Variants in KCNMA1 observed in about 807,000 individuals in gnomAD.
KCNMA1 encodes the protein potassium calcium-activated channel subfamily M alpha 1.
In KCNMA1, 29 loss-of-function variants were observed where a neutral mutation model predicts 140.0. The ratio of observed to expected loss-of-function variants is 0.21; its 90% CI spans 0.15 to 0.28. The LOEUF is 0.28. Ranked by LOEUF, KCNMA1 falls within the 10% of genes least tolerant of loss-of-function variation. The probability of loss-of-function intolerance (pLI) is 1.00; values close to 1 mark genes in which losing one functional copy is unlikely to be tolerated. For synonymous variants in KCNMA1, 612 were observed against 611.9 expected (o/e 1.00, Z 0.00); for missense variants, 880 against 1,602.2 (o/e 0.55, Z 7.70).
chr10:77,422,199 C>T (rs764872903), intron 1 of KCNMA1, among the ~76,000 whole-genome samples: 22 of 152,182 alleles, frequency 1.4e-4, no homozygotes, highest in East Asian at 1.9e-4. Context: ...TGAGGAGAGA[C>T]GGCAGAATTT....
chr10:77,494,156 C>T (rs1231473536), intron 1 of KCNMA1, among the ~76,000 whole-genome samples: 1 of 152,328 alleles, frequency 6.6e-6, no homozygotes, highest in African/African-American at 2.4e-5. Flanking sequence ...ATGGGATAAC[C>T]ATGGGAGAGG....
chr10:77,126,745 C>T (rs2097750364), intron 5 of KCNMA1, among the ~76,000 whole-genome samples: 1 of 146,002 alleles, frequency 6.8e-6, no homozygotes, highest in Non-Finnish European at 1.5e-5. Context: ...CACCACCACA[C>T]ACAAATGCTG....
At chr10:77,389,212 C>T (rs915550711) in intron 2 of KCNMA1, among the ~76,000 whole-genome samples, 5 of 152,302 alleles carry the variant, frequency 3.3e-5, no homozygotes, top group African/African-American at 1.2e-4. Context: ...AACACCCTTG[C>T]TATAAATTTG....
intron 2 of KCNMA1, among the ~76,000 whole-genome samples, chr10:77,272,213 C>A (rs1227628605): frequency 6.6e-6 from 1 of 152,190 alleles, no homozygotes; most frequent in Non-Finnish European, 1.5e-5. Context: ...GGACACAGAC[C>A]TGGTCTGTTC....
At chr10:77,215,899 CCTCTCTCCT>C (rs1565271780) in intron 3 of KCNMA1, among the ~76,000 whole-genome samples, 8 of 150,868 alleles carry the variant, frequency 5.3e-5, no homozygotes, top group Non-Finnish European at 3.0e-5. Flanking sequence ...TCTCCTCTCT[CCTCTCTCCT>C]CTCTCTCTCT....
chr10:77,414,906 T>G (rs541637848), intron 1 of KCNMA1, among the ~76,000 whole-genome samples: 2 of 152,286 alleles, frequency 1.3e-5, no homozygotes, highest in East Asian at 3.9e-4. Flanking sequence ...AAGGCCATAT[T>G]TTTTCTCTCT....
chr10:77,347,465 G>A (rs1254574537), intron 2 of KCNMA1, among the ~76,000 whole-genome samples: 2 of 152,166 alleles, frequency 1.3e-5, no homozygotes, highest in Non-Finnish European at 2.9e-5. Flanking sequence ...CTGAGATGAG[G>A]TTCGTGTCTG....
chr10:77,283,218 C>T (rs1236127666), intron 2 of KCNMA1, among the ~76,000 whole-genome samples: 4 of 152,228 alleles, frequency 2.6e-5, no homozygotes, highest in Admixed American at 2.6e-4. Context: ...CATTTTCTTT[C>T]TTCACATACA....
downstream of KCNMA1, among the ~76,000 whole-genome samples, chr10:76,880,248 T>G (rs2034076984): frequency 6.6e-6 from 1 of 152,226 alleles, no homozygotes; most frequent in Non-Finnish European, 1.5e-5. Context: ...TTCTGCTGTC[T>G]GTAAGAAAGA....
chr10:77,521,833 T>C (rs1452444896), intron 1 of KCNMA1, among the ~76,000 whole-genome samples: 1 of 152,144 alleles, frequency 6.6e-6, no homozygotes, highest in Non-Finnish European at 1.5e-5. Flanking sequence ...ATCACTTAGA[T>C]GTGCCCATCC....
chr10:77,159,276 A>T (rs1201283453), intron 5 of KCNMA1, among the ~76,000 whole-genome samples: 1 of 152,194 alleles, frequency 6.6e-6, no homozygotes, highest in Non-Finnish European at 1.5e-5. Context: ...TTGTTTTAGG[A>T]AAACAATAGC....
At chr10:77,417,317 A>G (rs2096764092) in intron 1 of KCNMA1, among the ~76,000 whole-genome samples, 1 of 146,856 alleles carries the variant, frequency 6.8e-6, no homozygotes, top group African/African-American at 2.5e-5. Flanking sequence ...AGGCCTATAT[A>G]CCTTTTATGC....
At chr10:77,318,271 T>C (rs625997) in intron 2 of KCNMA1, among the ~76,000 whole-genome samples, 128,538 of 152,184 alleles carry the variant, frequency 0.84, 54,511 homozygotes, top group African/African-American at 0.91. Context: ...GCACAACAAG[T>C]TATCAATTAA....
intron 17 of KCNMA1, among the ~76,000 whole-genome samples, chr10:77,015,302 G>A (rs2153465450): frequency 6.6e-6 from 1 of 152,120 alleles, no homozygotes; most frequent in South Asian, 2.1e-4. Flanking sequence ...CTATGAAATG[G>A]CACACGACAG....
chr10:76,887,041 CATAA>C lies in KCNMA1; in HGVS notation c.*221_*224del, dbSNP rs1007952750. The C allele has an allele frequency of 3.9e-5, 56 of 1,428,032 alleles. No individual in the cohort carries two copies. In the African/African-American group the frequency reaches 7.7e-4, roughly 20 times the overall value. 88.5% of individuals were successfully genotyped at this position (1,428,032 alleles called of 1,614,324 possible). A position where few individuals can be genotyped will look rare whatever the true frequency, so the allele number is the denominator to read the frequency against. ...CTTTGGGTTATTTTTCCCCCAGAATCATAAATAACTTTTGGTCCGTCTGCTTATT... is the reference window on the plus strand; with the variant it reads ...CTTTGGGTTATTTTTCCCCCAGAATCATAACTTTTGGTCCGTCTGCTTATT... On this transcript the variant is annotated 3_prime_UTR_variant, in exon 28 of 28. Transcript: ENST00000286628.
At position 77,632,443 on chromosome 10, in the gene KCNMA1, G is replaced by C. The variant is rs562030751; in HGVS notation, c.378+4822C>G. Reference sequence around the variant, plus strand: ...ATACCTGCCCACCAAATGCCACAGTGTTTCCCTTCTGCCAGCCCAGCAGCT... The same window carrying C: ...ATACCTGCCCACCAAATGCCACAGTCTTTCCCTTCTGCCAGCCCAGCAGCT... On this transcript the variant is annotated intron_variant, in intron 1 of 27. Coordinates refer to ENST00000286628, the MANE Select transcript of KCNMA1 (RefSeq NM_001161352.2). Among the ~76,000 whole-genome samples the C allele has an allele frequency of 3.3e-5, 5 of 152,258 alleles. No individual in the cohort carries two copies. In the South Asian group the frequency reaches 1.0e-3, roughly 32 times the overall value.
At chr10:77,572,759 A>G (rs901217879) in intron 1 of KCNMA1, among the ~76,000 whole-genome samples, 1 of 149,256 alleles carries the variant, frequency 6.7e-6, no homozygotes, top group Non-Finnish European at 1.5e-5. Flanking sequence ...TTGTCTCAAA[A>G]AAAAAAAAAA....
chr10:77,615,806 C>T lies in KCNMA1; in HGVS notation c.378+21459G>A, dbSNP rs539022033. Reference sequence around the variant, plus strand: ...CCGTCTTGGTGCTCACTGTTGGCCCCTGGCTACCCTGCCCCTTCCAGTGGT... The same window carrying T: ...CCGTCTTGGTGCTCACTGTTGGCCCTTGGCTACCCTGCCCCTTCCAGTGGT... On this transcript the variant is annotated intron_variant, in intron 1 of 27. Coordinates refer to ENST00000286628, the MANE Select transcript of KCNMA1 (RefSeq NM_001161352.2). Among the ~76,000 whole-genome samples, 7 of 152,322 alleles carry T rather than the reference C, an allele frequency of 4.6e-5. No homozygotes were observed. In the South Asian group the frequency reaches 1.5e-3, roughly 32 times the overall value.
intron 5 of KCNMA1, among the ~76,000 whole-genome samples, chr10:77,180,799 A>C (rs2154119686): frequency 6.6e-6 from 1 of 152,328 alleles, no homozygotes; most frequent in East Asian, 1.9e-4. Context: ...ACCACAGTTG[A>C]TACAAAGATG....
Sources: gnomAD v4.1 joint callset for allele counts (sites outside exome capture counted in the v4.1 genomes callset) on GRCh38, gnomAD v4.1.1 for gene constraint, MANE v1.5 for transcripts, NCBI Gene and HGNC (gene_info 2026-07-23, HGNC 2026-07-21) for gene names.